The following ZNF488 variants were observed in gnomAD, a reference collection of about 807,000 sequenced individuals.
ZNF488 encodes zinc finger protein 488.
A neutral mutation model predicts 1.2 loss-of-function variants in ZNF488; 1 was observed. The observed-to-expected ratio is 0.86, with a 90% CI of 0.30 to 4.07. The LOEUF (loss-of-function observed/expected upper bound fraction) is 4.07. Ranked by LOEUF, ZNF488 falls within the 30% of genes most tolerant of loss-of-function variation. The probability of loss-of-function intolerance (pLI) is 0.18; values close to 1 mark genes in which losing one functional copy is unlikely to be tolerated. For synonymous variants in ZNF488, 185 were observed against 190.1 expected, an observed-to-expected ratio of 0.97 and a Z score of 0.22; for missense variants, 450 against 437.9, an observed-to-expected ratio of 1.03 and a Z score of -0.25.
intron 1 of ZNF488, 55 bp downstream of exon 1, chr10:47,384,165 C>G (rs1201743259): frequency 6.5e-6 from 1 of 153,368 alleles, no homozygotes; most frequent in Non-Finnish European, 1.4e-5. Flanking sequence ...AGATGGACCC[C>G]GCCGCCCGCG....
intron 1 of ZNF488, among the ~76,000 whole-genome samples, chr10:47,376,441 A>T (rs1437539511): frequency 6.6e-6 from 1 of 152,178 alleles, no homozygotes; most frequent in Non-Finnish European, 1.5e-5. Context: ...GCCAGGTCAG[A>T]CCCAATTGTG....
chr10:47,380,080 G>A (rs564333694), intron 1 of ZNF488, among the ~76,000 whole-genome samples: 61 of 149,986 alleles, frequency 4.1e-4, no homozygotes, highest in Middle Eastern at 3.4e-3. Flanking sequence ...TCCTTGCTCC[G>A]AACATGATAT....
chr10:47,368,756 G>A lies in ZNF488; in HGVS notation c.74C>T (p.Pro25Leu), dbSNP rs999193892. 4.3e-6 allele frequency: 7 copies of A among 1,613,048 alleles called. No homozygotes were observed. Among genetic ancestry groups the A allele is most frequent in the African/African-American group, 2.7e-5 (2 of 75,072 alleles). ...VITMAAGKGAPLSPSAENRWR... is the reference protein window; with the variant it reads ...VITMAAGKGALLSPSAENRWR... The stretch of plus-strand genomic sequence containing the variant: ...TCTGTTTTCAGCCGATGGGCTCAAC[G>A]GGGCTCCCTTCCCAGCTGCCATGGT... The change falls in exon 2 of 2, where the codon CCG (proline) becomes CTG (leucine). Residue 25 changes from proline to leucine, a missense_variant. By Grantham distance (98) the Pro-to-Leu change is moderately conservative. Transcript: ENST00000585316.
chr10:47,380,684 C>T lies in ZNF488; in HGVS notation c.-109+3536G>A, dbSNP rs1837905871. On this transcript the variant is annotated intron_variant, in intron 1 of 1. Coordinates refer to ENST00000585316, the MANE Select transcript of ZNF488 (RefSeq NM_153034.4). Reference sequence around the variant, plus strand: ...TGGCCACATTCTCCCACATTATCACCTTGACCAGGTTGTCTCAGGTAACCT... The same window carrying T: ...TGGCCACATTCTCCCACATTATCACTTTGACCAGGTTGTCTCAGGTAACCT... Among the ~76,000 whole-genome samples the T allele has an allele frequency of 5.1e-4, 5 of 9,720 alleles. No individual in the cohort carries two copies. The South Asian group carries it at 6.4e-3, about 12-fold the overall frequency. 6.4% of individuals were successfully genotyped at this position (9,720 alleles called of 152,430 possible). A position where few individuals can be genotyped will look rare whatever the true frequency, so the allele number is the denominator to read the frequency against.
intron 1 of ZNF488, among the ~76,000 whole-genome samples, chr10:47,379,047 C>A (rs1837803117): frequency 6.7e-6 from 1 of 148,512 alleles, no homozygotes; most frequent in South Asian, 2.2e-4. Context: ...TAAGCTGTCT[C>A]TCCAGGCCAT....
intron 1 of ZNF488, among the ~76,000 whole-genome samples, chr10:47,377,437 C>T (rs1267711177): frequency 1.3e-5 from 2 of 152,138 alleles, no homozygotes; most frequent in African/African-American, 2.4e-5. Context: ...CAGAGTCCAT[C>T]GCTGTGGTTT....
chr10:47,373,650 G>C (rs1026051052), intron 1 of ZNF488, among the ~76,000 whole-genome samples: 1 of 152,122 alleles, frequency 6.6e-6, no homozygotes, highest in African/African-American at 2.4e-5. Context: ...CAAAATGTAC[G>C]GCATGGAGAA....
chr10:47,383,901 T>C (rs73295041), intron 1 of ZNF488, among the ~76,000 whole-genome samples: 3,313 of 149,918 alleles, frequency 0.022, 119 homozygotes, highest in African/African-American at 0.077. Flanking sequence ...AGGGAGAAGG[T>C]AGGGGAGAAG....
intron 1 of ZNF488, among the ~76,000 whole-genome samples, chr10:47,378,907 C>T (rs529182810): frequency 1.3e-5 from 2 of 152,232 alleles, no homozygotes; most frequent in East Asian, 1.9e-4. Flanking sequence ...GGGTGCCTGA[C>T]GTCAGAGGTG....
At chr10:47,373,857 C>T (rs370070190) in intron 1 of ZNF488, among the ~76,000 whole-genome samples, 16 of 152,350 alleles carry the variant, frequency 1.1e-4, no homozygotes, top group African/African-American at 2.9e-4. Flanking sequence ...CGAGGAAGGA[C>T]GGCCCAGCAG....
At chr10:47,369,251 A>C (rs1555213569) in intron 1 of ZNF488, among the ~76,000 whole-genome samples, 1 of 152,220 alleles carries the variant, frequency 6.6e-6, no homozygotes, top group Non-Finnish European at 1.5e-5. Flanking sequence ...ACCAGGCATG[A>C]AATGGAGAGT....
At chr10:47,371,191 C>G (rs569773436) in intron 1 of ZNF488, among the ~76,000 whole-genome samples, 1 of 152,218 alleles carries the variant, frequency 6.6e-6, no homozygotes, top group Non-Finnish European at 1.5e-5. Flanking sequence ...TGGGAGAGTG[C>G]CCGGGGAGGG....
intron 1 of ZNF488, among the ~76,000 whole-genome samples, chr10:47,373,615 T>C (rs1555214105): frequency 1.3e-5 from 2 of 152,190 alleles, no homozygotes; most frequent in Non-Finnish European, 2.9e-5. Flanking sequence ...CGTTCATTTA[T>C]TTCTTTGTGA....
chr10:47,371,385 C>A lies in ZNF488; in HGVS notation c.-108-2448G>T, dbSNP rs1837459723. 1.3e-5 allele frequency among the ~76,000 whole-genome samples: 2 copies of A among 152,028 alleles called. 1 individual carries two copies. Among genetic ancestry groups the A allele is most frequent in the East Asian group, 3.9e-4 (2 of 5,178 alleles). ...GAAAAAAGCCTATCTACCAAATAAA[C>A]AAAAACATGAAAGAAAACATACCAA... On this transcript the variant is annotated intron_variant, in intron 1 of 1. Coordinates refer to ENST00000585316, the MANE Select transcript of ZNF488 (RefSeq NM_153034.4).
Position 47,367,692 on chromosome 10 carries a change from G to T in ZNF488, c.*115C>A. On this transcript the variant is annotated 3_prime_UTR_variant, in exon 2 of 2. Coordinates refer to ENST00000585316, the MANE Select transcript of ZNF488 (RefSeq NM_153034.4). ...ATGCCTGAGCTGTTTATCTATGAAT[G>T]CCAAAAGCAGCAGCTCTGCAAAGGA... The T allele has an allele frequency of 8.3e-7, 1 of 1,210,988 alleles. No individual in the cohort carries two copies. Among genetic ancestry groups the T allele is most frequent in the Non-Finnish European group, 1.2e-6 (1 of 865,360 alleles). The allele number at this position is 1,210,988 out of a possible 1,614,324, so 75.0% of individuals were successfully genotyped here. A position where few individuals can be genotyped will look rare whatever the true frequency, so the allele number is the denominator to read the frequency against.
At position 47,368,795 on chromosome 10, in the gene ZNF488, GGGGCCACAGATAAGCAAGGT is replaced by G; in HGVS notation, c.15_34del (p.Pro6GlyfsTer19). ...AGCTGCCATGGTGATCACCAGGGCC[GGGGCCACAGATAAGCAAGGT>G]GGCCACTCTGGCATTCATCAGTCTT... On this transcript the variant is annotated frameshift_variant, in exon 2 of 2. Coordinates refer to ENST00000585316, the MANE Select transcript of ZNF488 (RefSeq NM_153034.4). LOFTEE classifies it low-confidence loss of function (END_TRUNC). 1 of 1,603,484 alleles carries G rather than the reference GGGGCCACAGATAAGCAAGGT, an allele frequency of 6.2e-7. No homozygotes were observed. The highest frequency in any genetic ancestry group is 8.5e-7 in the Non-Finnish European group (1 of 1,175,244).
intron 1 of ZNF488, among the ~76,000 whole-genome samples, chr10:47,382,647 A>C (rs962337618): frequency 2.0e-5 from 3 of 152,210 alleles, no homozygotes; most frequent in African/African-American, 7.2e-5. Flanking sequence ...AAGCCTCACA[A>C]ATCACAGTTC....
chr10:47,368,403 C>T lies in ZNF488; in HGVS notation c.427G>A (p.Ala143Thr). 1.2e-6 allele frequency: 2 copies of T among 1,614,164 alleles called. No individual in the cohort carries two copies. Among genetic ancestry groups the T allele is most frequent in the Non-Finnish European group, 1.7e-6 (2 of 1,180,034 alleles). Residue 143 changes from alanine to threonine, a missense_variant, in exon 2 of 2, where the codon GCT (alanine) becomes ACT (threonine). Coordinates refer to ENST00000585316, the MANE Select transcript of ZNF488 (RefSeq NM_153034.4). ...QLTQNIPRGPAGSKVFSVWPS... is the reference protein window; with the variant it reads ...QLTQNIPRGPTGSKVFSVWPS... ...CACACAGAGAAGACTTTGCTGCCAG[C>T]TGGGCCTCTGGGGATGTTCTGGGTC...
chr10:47,374,797 T>G (rs1332308524), intron 1 of ZNF488, among the ~76,000 whole-genome samples: 3 of 152,212 alleles, frequency 2.0e-5, no homozygotes, highest in Non-Finnish European at 4.4e-5. Flanking sequence ...AGATATCACC[T>G]GCATGCCAAA....
Sources: gnomAD v4.1 joint callset for allele counts (sites outside exome capture counted in the v4.1 genomes callset) on GRCh38, gnomAD v4.1.1 for gene constraint, MANE v1.5 for transcripts, NCBI Gene and HGNC (gene_info 2026-07-23, HGNC 2026-07-21) for gene names.